ADNP: variants seen among roughly 807,000 people sequenced by gnomAD.
ADNP encodes the protein activity-dependent neuroprotector homeobox protein.
In ADNP, 4 loss-of-function variants were observed where a neutral mutation model predicts 84.9. The observed-to-expected ratio is 0.05, with a 90% confidence interval of 0.02 to 0.11. The LOEUF is 0.11. Among genes scored for constraint, ADNP ranks in the 10% least tolerant of loss-of-function variants. ADNP has a pLI of 1.00. For synonymous variants in ADNP, 554 were observed against 468.1 expected, an observed-to-expected ratio of 1.18 and a Z score of -2.37; for missense variants, 1,132 against 1,326.0, an observed-to-expected ratio of 0.85 and a Z score of 2.27.
In ADNP at chr20:50,893,006, T is replaced by G. The variant is rs1284675032; in HGVS notation, c.1708A>C (p.Asn570His). 1 of 1,614,198 alleles carries G rather than the reference T, an allele frequency of 6.2e-7. No individual in the cohort carries two copies. The highest frequency in any genetic ancestry group is 8.5e-7 in the Non-Finnish European group (1 of 1,180,042). The change falls in exon 6 of 6, where the codon AAT becomes CAT. Residue 570 changes from asparagine (N) to histidine (H), a missense_variant. Physicochemically the swap from Asn to His is moderately conservative, Grantham distance 68. Coordinates refer to ENST00000621696, the MANE Select transcript of ADNP (RefSeq NM_001282531.3). The surrounding 1 kb of genome is among the most constrained non-coding windows in gnomAD (Gnocchi z 4.4). ...GATTCAGCTGGGGCATCCCTCAGAT[T>G]GTATGTAGTTACCAGGAGATGGATG... ...TNIHLLVTTY[N>H]LRDAPAESVA...
Position 50,891,408 on chromosome 20 carries a change from G to C in ADNP, c.3306C>G (p.Ala1102=), listed in dbSNP as rs1403912234. The change falls in exon 6 of 6, where the codon GCC becomes GCG. Residue 1102 remains alanine, a synonymous_variant. Transcript: ENST00000621696. ...CCAACGCCAGGGAACCTGGCACTTA[G>C]GCCTGTTGGCTGCTCAGTTTAACTC... is the stretch of plus-strand genomic sequence containing the variant. ...LAGVKLSSQQ[A] The C allele has an allele frequency of 6.3e-7, 1 of 1,599,670 alleles. No individual in the cohort carries two copies. Among genetic ancestry groups the C allele is most frequent in the East Asian group, 2.2e-5 (1 of 44,824 alleles).
chr20:50,930,297 G>C (rs1168964740), intron 1 of ADNP, among the ~76,000 whole-genome samples: 3 of 151,614 alleles, frequency 2.0e-5, no homozygotes, highest in African/African-American at 7.2e-5. Flanking sequence ...GGTTGGGGAA[G>C]AAGGATTGCA....
At chr20:50,909,341 G>A (rs1014270497) in intron 2 of ADNP, among the ~76,000 whole-genome samples, 2 of 109,392 alleles carry the variant, frequency 1.8e-5, no homozygotes, top group African/African-American at 7.3e-5. Flanking sequence ...CCAGCCTGTG[G>A]GCGACAAGAG....
At chr20:50,925,119 T>A (rs977614287) in intron 2 of ADNP, among the ~76,000 whole-genome samples, 2 of 152,128 alleles carry the variant, frequency 1.3e-5, no homozygotes, top group Admixed American at 6.6e-5. Flanking sequence ...AGGACTGAAT[T>A]AATACACAGA....
chr20:50,893,108 T>C lies in ADNP; in HGVS notation c.1606A>G (p.Ile536Val), dbSNP rs768323837. The C allele has an allele frequency of 6.2e-6, 10 of 1,614,240 alleles. No individual in the cohort carries two copies. Among genetic ancestry groups the C allele is most frequent in the African/African-American group, 1.3e-5 (1 of 75,058 alleles). Residue 536 changes from isoleucine (I) to valine (V), a missense_variant, in exon 6 of 6, where the codon ATT becomes GTT. Ile to Val is a conservative substitution (Grantham distance 29). This residue lies in a region of ADNP where 87 missense variants were observed against 181.4 expected (regional missense o/e 0.48). Coordinates refer to ENST00000621696, the MANE Select transcript of ADNP (RefSeq NM_001282531.3). The surrounding 1 kb of genome is among the most constrained non-coding windows in gnomAD (Gnocchi z 4.4). ...KMAAHMRMVH[I>V]DEEMGPKTDS... ...GTTTTAGGTCCCATCTCTTCATCAATGTGAACCATCCGCATGTGTGCGGCC... is the reference window on the plus strand; with the variant it reads ...GTTTTAGGTCCCATCTCTTCATCAACGTGAACCATCCGCATGTGTGCGGCC...
At chr20:50,909,969 G>T (rs1982881257) in intron 2 of ADNP, among the ~76,000 whole-genome samples, 1 of 152,200 alleles carries the variant, frequency 6.6e-6, no homozygotes, top group Non-Finnish European at 1.5e-5. Flanking sequence ...ACTTCCCTAT[G>T]CCAGCCTTTT....
intron 2 of ADNP, among the ~76,000 whole-genome samples, chr20:50,909,108 C>T (rs540137488): frequency 5.0e-4 from 76 of 150,970 alleles, no homozygotes; most frequent in East Asian, 1.4e-3. Flanking sequence ...TGGTGGCTCA[C>T]GCCTATAATC....
chr20:50,919,041 C>G (rs968240022), intron 2 of ADNP, among the ~76,000 whole-genome samples: 2 of 152,058 alleles, frequency 1.3e-5, no homozygotes, highest in African/African-American at 4.8e-5. Flanking sequence ...TACAATATCA[C>G]CTGAAATAGT....
At chr20:50,920,955 A>T (rs11698250) in intron 2 of ADNP, among the ~76,000 whole-genome samples, 2 of 152,212 alleles carry the variant, frequency 1.3e-5, no homozygotes, top group South Asian at 2.1e-4. Context: ...ACAGTTAGAC[A>T]GATCTGTATT....
At chr20:50,896,271 A>G (rs1247965795) in intron 5 of ADNP, among the ~76,000 whole-genome samples, 1 of 152,124 alleles carries the variant, frequency 6.6e-6, no homozygotes, top group Non-Finnish European at 1.5e-5. Context: ...ACAGCCGTAC[A>G]AAAATATTTT....
At chr20:50,902,233 CTT>C (rs1372282771) in intron 4 of ADNP, 124 bp from the exon 5 acceptor site, 1 of 672,486 alleles carries the variant, frequency 1.5e-6, no homozygotes, top group African/African-American at 1.8e-5. Context: ...TCAACAAGGA[CTT>C]AAACTAGGAG....
chr20:50,929,755 C>G (rs1430283587), intron 1 of ADNP, among the ~76,000 whole-genome samples: 1 of 151,710 alleles, frequency 6.6e-6, no homozygotes, highest in African/African-American at 2.4e-5. Flanking sequence ...AAGATACAGG[C>G]ACAAGAAGCA....
intron 2 of ADNP, chr20:50,909,787 A>G (rs1190468897): frequency 6.6e-6 from 1 of 152,218 alleles, no homozygotes. Context: ...CTAGTTAAGA[A>G]TATTTCATCT....
At chr20:50,898,469 C>A (rs189543176) in intron 5 of ADNP, among the ~76,000 whole-genome samples, 30 of 152,226 alleles carry the variant, frequency 2.0e-4, no homozygotes, top group African/African-American at 6.7e-4. Context: ...TGATAAAGGC[C>A]CTTCTTGAAT....
intron 2 of ADNP, among the ~76,000 whole-genome samples, chr20:50,917,714 C>A (rs764374010): frequency 6.6e-6 from 1 of 152,176 alleles, no homozygotes; most frequent in Non-Finnish European, 1.5e-5. Flanking sequence ...CAAAAAGTTA[C>A]ATAAGCAATT....
intron 2 of ADNP, among the ~76,000 whole-genome samples, chr20:50,922,873 C>T (rs555202193): frequency 2.0e-5 from 3 of 152,200 alleles, no homozygotes; most frequent in South Asian, 4.1e-4. Context: ...TGAGCCACCG[C>T]GCCTGGCCCT....
intron 2 of ADNP, chr20:50,909,363 CAAAAAAAAAAAAAAAAA>C (rs3069819): frequency 9.0e-5 from 4 of 44,352 alleles, no homozygotes; most frequent in Non-Finnish European, 1.6e-4. Flanking sequence ...AAAACTGTCT[CAAAAAAAAAAAAAAAAA>C]AAAAAAAAAA....
chr20:50,918,781 C>T (rs1172823088), intron 2 of ADNP, among the ~76,000 whole-genome samples: 1 of 152,058 alleles, frequency 6.6e-6, no homozygotes, highest in Non-Finnish European at 1.5e-5. Flanking sequence ...GAGGAGAGGT[C>T]CTGGGAAAAA....
rs1980833090 is a variant in ADNP, at chr20:50,892,127, C to A, written c.2587G>T (p.Asp863Tyr). 6.2e-7 allele frequency: 1 copy of A among 1,614,110 alleles called. No homozygotes were observed. The highest frequency in any genetic ancestry group is 8.5e-7 in the Non-Finnish European group (1 of 1,180,032). The change falls in exon 6 of 6, where the codon GAC becomes TAC. Residue 863 changes from aspartate (D) to tyrosine (Y), a missense_variant. By Grantham distance (160) the Asp-to-Tyr change is radical (BLOSUM62 -3). Transcript: ENST00000621696. ...DSRVNASKTA[D>Y]KKLNLGKEDD... ...TCCTTCCCAAGGTTGAGCTTTTTGTCAGCAGTCTTACTAGCATTGACTCTG... is the reference window on the plus strand; with the variant it reads ...TCCTTCCCAAGGTTGAGCTTTTTGTAAGCAGTCTTACTAGCATTGACTCTG...
Sources: gnomAD v4.1 joint callset for allele counts (sites outside exome capture counted in the v4.1 genomes callset) on GRCh38, gnomAD v4.1.1 for gene constraint, gnomAD v4.1.1 regional missense constraint, Gnocchi (gnomAD v3.1) non-coding constraint, MANE v1.5 for transcripts, NCBI Gene and HGNC (gene_info 2026-07-23, HGNC 2026-07-21) for gene names.